C4orf50: variants seen among roughly 807,000 people sequenced by gnomAD.
The protein encoded by C4orf50 is uncharacterized protein C4orf50.
Under a neutral mutation model 77.2 loss-of-function variants are expected in C4orf50, and 80 were observed. That is an observed-to-expected ratio of 1.04 (90% CI 0.87 to 1.25). C4orf50 has a LOEUF of 1.25. Ranked by LOEUF, C4orf50 falls within the 50% of genes most tolerant of loss-of-function variation. C4orf50 has a pLI of 0.00. For synonymous variants in C4orf50, 532 were observed against 465.3 expected (o/e 1.14, Z -1.84); for missense variants, 1,257 against 1,152.9 (o/e 1.09, Z -1.31).
Position 5,992,778 on chromosome 4 carries a change from A to T in C4orf50, c.1221+25T>A, listed in dbSNP as rs1721362909. 2 of 399,144 alleles carry T rather than the reference A, an allele frequency of 5.0e-6. No homozygotes were observed. The highest frequency in any genetic ancestry group is 8.8e-6 in the Non-Finnish European group (2 of 226,126). The allele number at this position is 399,144 out of a possible 1,614,324, so 24.7% of individuals were successfully genotyped here. On this transcript the variant is annotated intron_variant, in intron 27 of 33. Coordinates refer to ENST00000531445, the Ensembl canonical transcript of C4orf50. This position sits in a 1 kb window ranked among gnomAD's most constrained non-coding sequence, Gnocchi z 5.0. ...GAGGGGAACCAGTGGCACTGCACAC[A>T]CACGCAGAAAGCCTCTGGCCTCACC...
chr4:5,933,086 G>A (rs535448775), intron 7 of C4orf50, among the ~76,000 whole-genome samples: 34 of 152,228 alleles, frequency 2.2e-4, no homozygotes, highest in African/African-American at 7.5e-4. Context: ...GGAGCCTGGT[G>A]TTGTCTTGTG....
At chr4:5,928,070 G>A (rs563056469) in intron 7 of C4orf50, among the ~76,000 whole-genome samples, 4 of 152,326 alleles carry the variant, frequency 2.6e-5, no homozygotes, top group South Asian at 2.1e-4. Flanking sequence ...ACATTAATGC[G>A]TGGAACTTGC....
chr4:5,947,203 GGAAGCTGAGCTGTGTGACCTCCAAGAAT>G (rs368106109), intron 7 of C4orf50, among the ~76,000 whole-genome samples: 37 of 152,274 alleles, frequency 2.4e-4, no homozygotes, highest in African/African-American at 7.7e-4. Flanking sequence ...CATGAGATGA[GGAAGCTGAGCTGTGTGACCTCCAAGAAT>G]GAAGCTGAGC....
rs367607116 is a variant in C4orf50, at chr4:5,969,746, C to T, written c.4105-2284G>A. Among the ~76,000 whole-genome samples the T allele has an allele frequency of 2.0e-4, 31 of 152,244 alleles. No individual in the cohort carries two copies. The East Asian group carries it at 3.9e-3, about 19-fold the overall frequency. On this transcript the variant is annotated intron_variant, in intron 31 of 33. Transcript: ENST00000531445. ...CCACCTGGCCTAAGATAACAGGTGG[C>T]TTAGGTACGTGAAGGGCAAGTGCCA...
chr4:5,974,431 G>T (rs1322878556), intron 30 of C4orf50, among the ~76,000 whole-genome samples: 2 of 136,054 alleles, frequency 1.5e-5, no homozygotes, highest in Non-Finnish European at 3.2e-5. Flanking sequence ...GAATTATGAC[G>T]ATTTTTATTT....
intron 7 of C4orf50, among the ~76,000 whole-genome samples, chr4:5,937,050 C>T (rs1718057990): frequency 6.6e-6 from 1 of 151,520 alleles, no homozygotes; most frequent in East Asian, 1.9e-4. Flanking sequence ...ATGACATTCT[C>T]AGGCAAAGAC....
intron 7 of C4orf50, among the ~76,000 whole-genome samples, chr4:5,909,886 C>T (rs1215553422): frequency 6.6e-6 from 1 of 152,178 alleles, no homozygotes. Flanking sequence ...TGTACCAGTA[C>T]ATACTGTTTT....
chr4:6,000,443 T>C lies in C4orf50; in HGVS notation c.964-5967A>G, dbSNP rs967610291. Among the ~76,000 whole-genome samples the C allele has an allele frequency of 2.0e-5, 3 of 152,200 alleles. No individual in the cohort carries two copies. Among genetic ancestry groups the C allele is most frequent in the African/African-American group, 7.2e-5 (3 of 41,476 alleles). Reference sequence around the variant, plus strand: ...TGGCCCTCTCAGGAGGAATTCTTCCTTTCCAGGCAGCCCTTTTTGACCTCA... The same window carrying C: ...TGGCCCTCTCAGGAGGAATTCTTCCCTTCCAGGCAGCCCTTTTTGACCTCA... On this transcript the variant is annotated intron_variant, in intron 25 of 33. Coordinates refer to ENST00000531445, the Ensembl canonical transcript of C4orf50. The surrounding 1 kb of genome is among the most constrained non-coding windows in gnomAD (Gnocchi z 6.0).
intron 31 of C4orf50, among the ~76,000 whole-genome samples, chr4:5,971,884 G>T (rs1174994476): frequency 6.6e-6 from 1 of 152,174 alleles, no homozygotes; most frequent in Non-Finnish European, 1.5e-5. Context: ...TGAGAGTGAG[G>T]AGCAGCCCTT....
chr4:5,907,119 C>T (rs1431481390), intron 7 of C4orf50, among the ~76,000 whole-genome samples: 1 of 152,162 alleles, frequency 6.6e-6, no homozygotes, highest in African/African-American at 2.4e-5. Flanking sequence ...AGTGATGCTC[C>T]ACTACGAGGA....
chr4:6,003,027 A>C (rs4234710), intron 25 of C4orf50, among the ~76,000 whole-genome samples: 55,549 of 152,056 alleles, frequency 0.37, 11,165 homozygotes, highest in East Asian at 0.83. Flanking sequence ...CTTCTGCCAG[A>C]CAGGGGGCTT....
intron 7 of C4orf50, among the ~76,000 whole-genome samples, chr4:5,906,610 T>C (rs1388775277): frequency 6.6e-6 from 1 of 152,162 alleles, no homozygotes; most frequent in Non-Finnish European, 1.5e-5. Context: ...AGTTCCACAG[T>C]TGCCCCATGA....
In C4orf50 at chr4:6,015,226, C is replaced by T. The variant is rs1722639216; in HGVS notation, c.287+2919G>A. 6.6e-6 allele frequency among the ~76,000 whole-genome samples: 1 copy of T among 152,040 alleles called. No individual in the cohort carries two copies. The highest frequency in any genetic ancestry group is 6.5e-5 in the Admixed American group (1 of 15,272). ...AATGTGATTATATTTGGAGATAAGC[C>T]CTTTCAAAGAGGCAATTAAGTTGAA... On this transcript the variant is annotated intron_variant, in intron 23 of 33. Transcript: ENST00000531445. The surrounding 1 kb of genome is among the most constrained non-coding windows in gnomAD (Gnocchi z 4.4).
chr4:6,007,652 G>A lies in C4orf50; in HGVS notation c.963+344C>T. On this transcript the variant is annotated intron_variant, in intron 25 of 33. Transcript: ENST00000531445. The surrounding 1 kb of genome is among the most constrained non-coding windows in gnomAD (Gnocchi z 4.1). ...TAAGTGGCTGCGTGGACAAACAGGT[G>A]TTAGGATGAATGGCAAAATGATGGT... 6.6e-6 allele frequency among the ~76,000 whole-genome samples: 1 copy of A among 152,210 alleles called. No individual in the cohort carries two copies. Among genetic ancestry groups the A allele is most frequent in the East Asian group, 1.9e-4 (1 of 5,198 alleles).
chr4:5,951,498 C>T (rs1718715351), intron 7 of C4orf50, among the ~76,000 whole-genome samples: 1 of 152,110 alleles, frequency 6.6e-6, no homozygotes, highest in South Asian at 2.1e-4. Context: ...GATTACCCTG[C>T]AAACCAACAC....
chr4:5,904,088 CCA>C (rs1577869145), intron 7 of C4orf50: 1 of 152,364 alleles, frequency 6.6e-6, no homozygotes, highest in East Asian at 1.9e-4. Context: ...CTTCCAGTCA[CCA>C]CCCACTGTCT....
chr4:5,925,036 G>A (rs9291103), intron 7 of C4orf50, among the ~76,000 whole-genome samples: 1 of 151,026 alleles, frequency 6.6e-6, no homozygotes, highest in Non-Finnish European at 1.5e-5. Flanking sequence ...CAGGAGGTTC[G>A]CAGTGGTGGC....
intron 25 of C4orf50, among the ~76,000 whole-genome samples, chr4:6,001,940 G>C (rs754762629): frequency 6.6e-6 from 1 of 152,246 alleles, no homozygotes; most frequent in African/African-American, 2.4e-5. Flanking sequence ...GCCCTGGGAG[G>C]ACAAAAGAGG....
Position 5,973,911 on chromosome 4 carries a change from G to C in C4orf50, c.3922-70C>G, listed in dbSNP as rs995618389. 45 of 1,317,866 alleles carry C rather than the reference G, an allele frequency of 3.4e-5. No individual in the cohort carries two copies. The South Asian group carries it at 6.2e-4, about 18-fold the overall frequency. 81.6% of individuals were successfully genotyped at this position (1,317,866 alleles called of 1,614,324 possible). On this transcript the variant is annotated intron_variant, in intron 30 of 33. Coordinates refer to ENST00000531445, the Ensembl canonical transcript of C4orf50. ...GCATGGCTGAGCTGGAGGGCTGGGG[G>C]CCGGAGGGTCAGCTGAGGCCCCTAC... is the stretch of plus-strand genomic sequence containing the variant.
Sources: allele counts gnomAD v4.1 joint callset (sites outside exome capture counted in the v4.1 genomes callset), GRCh38; gene constraint gnomAD v4.1.1; non-coding constraint Gnocchi (gnomAD v3.1); transcripts MANE v1.5; gene names NCBI Gene and HGNC (gene_info 2026-07-23, HGNC 2026-07-21).